Variants in PRKAR2B observed in about 807,000 individuals in gnomAD.
PRKAR2B encodes the protein protein kinase cAMP-dependent type II regulatory subunit beta.
PRKAR2B carries 14 observed loss-of-function variants against 49.9 expected under a neutral mutation model. The observed-to-expected ratio is 0.28, with a 90% CI of 0.19 to 0.44. PRKAR2B has a LOEUF of 0.44. Ranked by LOEUF, PRKAR2B falls within the 20% of genes least tolerant of loss-of-function variation. The pLI is 1.00. For missense variants in PRKAR2B, 393 were observed against 537.9 expected, an observed-to-expected ratio of 0.73 and a Z score of 2.67; for synonymous variants, 196 against 197.7, an observed-to-expected ratio of 0.99 and a Z score of 0.07.
chr7:107,126,119 C>T (rs565138529), intron 3 of PRKAR2B, among the ~76,000 whole-genome samples: 67 of 144,098 alleles, frequency 4.6e-4, no homozygotes, highest in Non-Finnish European at 5.4e-4. Context: ...AGAGGCCAGG[C>T]GCGCTGGCTC....
chr7:107,096,041 T>A (rs1794830017), intron 2 of PRKAR2B, among the ~76,000 whole-genome samples: 1 of 152,224 alleles, frequency 6.6e-6, no homozygotes, highest in Non-Finnish European at 1.5e-5. Flanking sequence ...GAGGATTCCC[T>A]CTTGTTCTAT....
rs575563086 is a variant in PRKAR2B at position 107,110,851 on chromosome 7, G to C, written c.344-11101G>C. ...ACTTTACACATTACCAGCTGTGGTG[G>C]CTACAGGGAGAGACTTCCTTTTGCT... On this transcript the variant is annotated intron_variant, in intron 2 of 10. Coordinates refer to ENST00000265717, the MANE Select transcript of PRKAR2B (RefSeq NM_002736.3). 2.8e-3 allele frequency among the ~76,000 whole-genome samples: 432 copies of C among 152,228 alleles called. 2 individuals are homozygous for C. Among genetic ancestry groups the C allele is most frequent in the African/African-American group, 0.01 (417 of 41,546 alleles).
At chr7:107,132,085 GAGA>G in intron 4 of PRKAR2B, among the ~76,000 whole-genome samples, 1 of 152,220 alleles carries the variant, frequency 6.6e-6, no homozygotes, top group Middle Eastern at 3.2e-3. Flanking sequence ...AGGGCATGGT[GAGA>G]AGATGTCTGT....
intron 1 of PRKAR2B, among the ~76,000 whole-genome samples, chr7:107,058,634 T>C (rs1374104051): frequency 1.3e-5 from 2 of 152,234 alleles, no homozygotes; most frequent in Non-Finnish European, 2.9e-5. Context: ...GGACTTTTGA[T>C]GCATAATAAT....
chr7:107,123,905 T>G (rs887314272), intron 3 of PRKAR2B, among the ~76,000 whole-genome samples: 1 of 152,222 alleles, frequency 6.6e-6, no homozygotes, highest in Non-Finnish European at 1.5e-5. Flanking sequence ...CTAAATGTGT[T>G]ACTAAAAACT....
intron 1 of PRKAR2B, among the ~76,000 whole-genome samples, chr7:107,059,517 T>A (rs1195205427): frequency 1.3e-5 from 2 of 151,362 alleles, no homozygotes; most frequent in East Asian, 3.9e-4. Flanking sequence ...TTATTATCCA[T>A]CAACTTGTTT....
intron 2 of PRKAR2B, among the ~76,000 whole-genome samples, chr7:107,079,107 G>A (rs184613985): frequency 6.6e-6 from 1 of 152,290 alleles, no homozygotes; most frequent in Admixed American, 6.5e-5. Context: ...ATAGGTATGA[G>A]TAGATAGAAT....
chr7:107,065,334 G>A (rs1349601254), intron 1 of PRKAR2B, among the ~76,000 whole-genome samples: 1,810 of 26,656 alleles, frequency 0.068, 32 homozygotes, highest in African/African-American at 0.14. Context: ...GTGTGTGTGT[G>A]TGTGTGTGTG....
intron 2 of PRKAR2B, among the ~76,000 whole-genome samples, chr7:107,072,725 C>T (rs933956006): frequency 1.3e-5 from 2 of 152,066 alleles, no homozygotes; most frequent in African/African-American, 4.8e-5. Context: ...TAAAAAGTAA[C>T]ATTTCCTGAA....
At chr7:107,078,516 A>G (rs1410344582) in intron 2 of PRKAR2B, among the ~76,000 whole-genome samples, 1 of 152,196 alleles carries the variant, frequency 6.6e-6, no homozygotes, top group Non-Finnish European at 1.5e-5. Context: ...AAGTCACTTC[A>G]TGCACCTGTT....
intron 2 of PRKAR2B, among the ~76,000 whole-genome samples, chr7:107,088,236 G>T (rs1246225221): frequency 3.3e-5 from 5 of 152,134 alleles, no homozygotes; most frequent in Admixed American, 2.0e-4. Flanking sequence ...TTTCATAGGG[G>T]CGGAAACCTC....
At chr7:107,092,406 C>T (rs1794748070) in intron 2 of PRKAR2B, among the ~76,000 whole-genome samples, 1 of 151,766 alleles carries the variant, frequency 6.6e-6, no homozygotes. Context: ...TGGTCATTAT[C>T]CAGGAAGCAG....
chr7:107,127,253 G>A (rs1795514104), intron 3 of PRKAR2B, among the ~76,000 whole-genome samples: 1 of 152,210 alleles, frequency 6.6e-6, no homozygotes, highest in Non-Finnish European at 1.5e-5. Flanking sequence ...AGCTCTTGTG[G>A]TCACTCTTTG....
intron 1 of PRKAR2B, among the ~76,000 whole-genome samples, chr7:107,062,749 T>C (rs534316221): frequency 3.9e-5 from 6 of 152,316 alleles, no homozygotes; most frequent in African/African-American, 7.2e-5. Flanking sequence ...ATCTTTTTTT[T>C]CCACATTTTA....
intron 1 of PRKAR2B, among the ~76,000 whole-genome samples, chr7:107,065,451 G>T (rs1460843553): frequency 6.6e-6 from 1 of 151,876 alleles, no homozygotes; most frequent in Non-Finnish European, 1.5e-5. Flanking sequence ...TATGCTCAGA[G>T]ATGCAAACTG....
intron 1 of PRKAR2B, among the ~76,000 whole-genome samples, chr7:107,046,987 GAAGA>G (rs1399822855): frequency 2.6e-5 from 4 of 152,094 alleles, no homozygotes; most frequent in African/African-American, 9.7e-5. Flanking sequence ...ATTTTGTAGT[GAAGA>G]AATAAGCCGT....
chr7:107,111,423 G>T (rs535649039), intron 2 of PRKAR2B, among the ~76,000 whole-genome samples: 2 of 152,288 alleles, frequency 1.3e-5, no homozygotes, highest in South Asian at 2.1e-4. Context: ...GCCATAGCCA[G>T]GTGGTAGTCA....
chr7:107,159,862 A>G lies in PRKAR2B; in HGVS notation c.*280A>G, dbSNP rs1180919392. On this transcript the variant is annotated 3_prime_UTR_variant, in exon 11 of 11. Transcript: ENST00000265717. ...GTTTATTAAAATGATTGTAATATAT[A>G]GAAAGTATCTGTGTTTAAGAAGATA... 3.3e-6 allele frequency: 1 copy of G among 306,576 alleles called. No individual in the cohort carries two copies. Among genetic ancestry groups the G allele is most frequent in the Non-Finnish European group, 6.0e-6 (1 of 165,910 alleles). The allele number at this position is 306,576 out of a possible 1,614,324, so 19.0% of individuals were successfully genotyped here.
intron 2 of PRKAR2B, among the ~76,000 whole-genome samples, chr7:107,075,891 G>A (rs1794386931): frequency 1.3e-5 from 2 of 152,000 alleles, no homozygotes; most frequent in African/African-American, 2.4e-5. Context: ...TACATTATAG[G>A]TTTTCTAAAA....
Sources: allele counts gnomAD v4.1 joint callset (sites outside exome capture counted in the v4.1 genomes callset), GRCh38; gene constraint gnomAD v4.1.1; transcripts MANE v1.5; gene names NCBI Gene and HGNC (gene_info 2026-07-23, HGNC 2026-07-21).